The following HMCN2 variants were observed in gnomAD, a reference collection of about 807,000 sequenced individuals.
The protein encoded by HMCN2 is hemicentin-2.
HMCN2 carries 325 observed loss-of-function variants against 377.5 expected under a neutral mutation model. The ratio of observed to expected loss-of-function variants is 0.86; its 90% CI spans 0.79 to 0.94. The LOEUF (loss-of-function observed/expected upper bound fraction) is 0.94. Among genes scored for constraint, HMCN2 ranks in the 40% least tolerant of loss-of-function variants. The probability of loss-of-function intolerance (pLI) is 0.00; values close to 1 mark genes in which losing one functional copy is unlikely to be tolerated. For missense variants in HMCN2, 4,543 were observed against 4,725.3 expected, an observed-to-expected ratio of 0.96 and a Z score of 1.13; for synonymous variants, 2,007 against 2,046.8, an observed-to-expected ratio of 0.98 and a Z score of 0.53.
At chr9:130,358,339 C>G (rs879000690) in intron 35 of HMCN2, 51 bp from the exon 36 acceptor site, 2 of 1,302,754 alleles carry the variant, frequency 1.5e-6, no homozygotes, top group East Asian at 1.1e-4. Flanking sequence ...CGCCATGTCC[C>G]GTCATCACTT....
At position 130,364,720 on chromosome 9, in the gene HMCN2, C is replaced by T. The variant is rs999146800; in HGVS notation, c.6239C>T (p.Pro2080Leu). Residue 2080 changes from proline (P) to leucine (L), a missense_variant, in exon 41 of 98, where the codon CCG becomes CTG. Transcript: ENST00000683500. ...CTCCTGCCCCCTCCTGCAGTGCCCC[C>T]GAGTATCCTTGGAGAAGAGCTGAAT... ...QDVVLQVHMP[P>L]SILGEELNVS... 1.1e-5 allele frequency: 11 copies of T among 985,976 alleles called. No homozygotes were observed. The African/African-American group carries it at 1.2e-4, about 11-fold the overall frequency. The allele number at this position is 985,976 out of a possible 1,614,324, so 61.1% of individuals were successfully genotyped here.
At chr9:130,346,223 G>A (rs1338389948) in intron 25 of HMCN2, among the ~76,000 whole-genome samples, 2 of 152,106 alleles carry the variant, frequency 1.3e-5, no homozygotes, top group Admixed American at 6.5e-5. Context: ...TGTGCCTGGG[G>A]CTCACGCTGC....
Position 130,361,063 on chromosome 9 carries a change from C to T in HMCN2, c.5950+459C>T, listed in dbSNP as rs2131563946. 6.6e-6 allele frequency among the ~76,000 whole-genome samples: 1 copy of T among 152,328 alleles called. No individual in the cohort carries two copies. Among genetic ancestry groups the T allele is most frequent in the East Asian group, 1.9e-4 (1 of 5,180 alleles). On this transcript the variant is annotated intron_variant, in intron 38 of 97. Transcript: ENST00000683500. The surrounding 1 kb of genome is among the most constrained non-coding windows in gnomAD (Gnocchi z 4.8). ...CCCATCTACCCATTCACCATCCATTCAGTCATTCAACTACCCATTCTTTCC... is the reference window on the plus strand; with the variant it reads ...CCCATCTACCCATTCACCATCCATTTAGTCATTCAACTACCCATTCTTTCC...
intron 22 of HMCN2, among the ~76,000 whole-genome samples, chr9:130,336,379 AAGC>A (rs1200314652): frequency 6.6e-6 from 1 of 152,212 alleles, no homozygotes; most frequent in African/African-American, 2.4e-5. Flanking sequence ...GTCTCCATGG[AAGC>A]AGCTGACCTT....
chr9:130,368,480 A>C, intron 44 of HMCN2, 43 bp downstream of exon 44: 1 of 974,606 alleles, frequency 1.0e-6, no homozygotes, highest in Non-Finnish European at 1.2e-6. Flanking sequence ...GGGATCATGG[A>C]CTGGCTGGGC....
intron 80 of HMCN2, among the ~76,000 whole-genome samples, chr9:130,404,497 G>T (rs1004757615): frequency 6.6e-6 from 1 of 152,240 alleles, no homozygotes; most frequent in Non-Finnish European, 1.5e-5. Context: ...TAGCTCCTCC[G>T]CAGGGATGCT....
rs183527007 is a variant in HMCN2, at chr9:130,348,859, G to A, written c.4156-125G>A. 1,284 of 1,200,142 alleles carry A rather than the reference G, an allele frequency of 1.1e-3. 14 individuals carry two copies. The East Asian group carries it at 0.014, about 13-fold the overall frequency. The allele number at this position is 1,200,142 out of a possible 1,614,324, so 74.3% of individuals were successfully genotyped here. A position where few individuals can be genotyped will look rare whatever the true frequency, so the allele number is the denominator to read the frequency against. The stretch of plus-strand genomic sequence containing the variant: ...TGTAGTGAAGCCTGGCAGGGGCTGC[G>A]TGGCAGAGAGCATGGCACCGTTCTG... On this transcript the variant is annotated intron_variant, in intron 27 of 97. Coordinates refer to ENST00000683500, the MANE Select transcript of HMCN2 (RefSeq NM_001291815.2).
intron 15 of HMCN2, among the ~76,000 whole-genome samples, chr9:130,318,939 T>C (rs923522147): frequency 6.6e-6 from 1 of 152,192 alleles, no homozygotes; most frequent in Non-Finnish European, 1.5e-5. Context: ...TAGAAGGGGC[T>C]GTGGAAATGG....
chr9:130,377,023 T>C (rs1841422529), intron 52 of HMCN2, among the ~76,000 whole-genome samples: 1 of 152,180 alleles, frequency 6.6e-6, no homozygotes, highest in Non-Finnish European at 1.5e-5. Context: ...GGTCTCGCAC[T>C]CCTGACCTCA....
chr9:130,318,901 C>A (rs1031637176), intron 15 of HMCN2, among the ~76,000 whole-genome samples: 1 of 152,092 alleles, frequency 6.6e-6, no homozygotes, highest in African/African-American at 2.4e-5. Flanking sequence ...TAATCCCCCC[C>A]GACGCTGGCT....
chr9:130,349,474 CGTG>C, intron 28 of HMCN2, 60 bp from the exon 29 acceptor site: 1 of 1,280,696 alleles, frequency 7.8e-7, no homozygotes, highest in Admixed American at 2.4e-5. Context: ...ACAAAGGCCC[CGTG>C]GTAGGCGGGG....
At chr9:130,418,662 T>A in intron 85 of HMCN2, 110 bp from the exon 86 acceptor site, 1 of 977,944 alleles carries the variant, frequency 1.0e-6, no homozygotes, top group Non-Finnish European at 1.4e-6. Flanking sequence ...GCAGTTCTTA[T>A]TTTCTTCTTT....
At position 130,376,239 on chromosome 9, in the gene HMCN2, G is replaced by T. The variant is rs1038940617; in HGVS notation, c.7918+250G>T. On this transcript the variant is annotated intron_variant, in intron 51 of 97. Transcript: ENST00000683500. ...TTCCTCCTGCCACTTCTGCTTTGGA[G>T]TATAAACAGAGGCTCTGCAGATTGA... is the stretch of plus-strand genomic sequence containing the variant. 3.9e-5 allele frequency among the ~76,000 whole-genome samples: 6 copies of T among 152,314 alleles called. No homozygotes were observed. In the East Asian group the frequency reaches 1.2e-3, roughly 29 times the overall value.
chr9:130,373,707 A>ATGGATGGATGGATG (rs1354843791), intron 48 of HMCN2, among the ~76,000 whole-genome samples: 2 of 115,354 alleles, frequency 1.7e-5, no homozygotes, highest in Admixed American at 1.7e-4. Flanking sequence ...ATGGATAGGT[A>ATGGATGGATGGATG]GATGGATGGA....
intron 4 of HMCN2, among the ~76,000 whole-genome samples, chr9:130,294,155 G>A (rs1012509984): frequency 5.3e-5 from 8 of 152,166 alleles, no homozygotes; most frequent in African/African-American, 1.4e-4. Flanking sequence ...GAGTATCTCT[G>A]AGGGAGTTTG....
chr9:130,331,447 G>A (rs1371734824), intron 22 of HMCN2, among the ~76,000 whole-genome samples: 2 of 152,208 alleles, frequency 1.3e-5, no homozygotes, highest in Non-Finnish European at 2.9e-5. Context: ...ATTGAAGTCA[G>A]CAGCATTGAC....
Position 130,418,841 on chromosome 9 carries a change from G to C in HMCN2, c.13031G>C (p.Cys4344Ser), listed in dbSNP as rs899277798. Reference protein sequence around the residue: ...VRSGDDVALRCQATGEPTPTI... With the variant: ...VRSGDDVALRSQATGEPTPTI... ...TCTGGGGATGACGTGGCCCTGCGGT[G>C]CCAGGCCACTGGAGAGCCCACACCC... The change falls in exon 86 of 98, where the codon TGC becomes TCC. Residue 4344 changes from cysteine to serine, a missense_variant. Physicochemically the swap from Cys to Ser is moderately radical, Grantham distance 112. Around this residue, in one of 5 missense-constraint regions of HMCN2, gnomAD observed 1,155 missense variants for 1,157.7 expected, o/e 1.00. Transcript: ENST00000683500. The C allele has an allele frequency of 4.5e-6, 7 of 1,544,050 alleles. No individual in the cohort carries two copies. The highest frequency in any genetic ancestry group is 6.1e-6 in the Non-Finnish European group (7 of 1,142,998).
intron 14 of HMCN2, 71 bp from the exon 15 acceptor site, chr9:130,309,841 G>T (rs1383375148): frequency 2.7e-6 from 1 of 365,804 alleles, no homozygotes; most frequent in Non-Finnish European, 5.7e-6. Context: ...CAAGGGTCAG[G>T]CTCCCACCTC....
chr9:130,299,957 A>T (rs1211361816), intron 8 of HMCN2, among the ~76,000 whole-genome samples: 1 of 150,160 alleles, frequency 6.7e-6, no homozygotes, highest in Non-Finnish European at 1.5e-5. Context: ...CTATTCATCC[A>T]TCCACCCACC....
Sources: gnomAD v4.1 joint callset for allele counts (sites outside exome capture counted in the v4.1 genomes callset) on GRCh38, gnomAD v4.1.1 for gene constraint, gnomAD v4.1.1 regional missense constraint, Gnocchi (gnomAD v3.1) non-coding constraint, MANE v1.5 for transcripts, NCBI Gene and HGNC (gene_info 2026-07-23, HGNC 2026-07-21) for gene names.